Variants in KCNK1 observed in about 807,000 individuals in gnomAD.
KCNK1 encodes the protein potassium two pore domain channel subfamily K member 1, also known as potassium channel subfamily K member 1.
KCNK1 carries 10 observed loss-of-function variants against 22.2 expected under a neutral mutation model. The observed-to-expected ratio is 0.45, with a 90% CI of 0.28 to 0.76. The LOEUF (loss-of-function observed/expected upper bound fraction) is 0.76. KCNK1 is among the 30% of genes least tolerant of loss of function. The pLI is 0.14. For synonymous variants in KCNK1, 200 were observed against 186.4 expected (o/e 1.07, Z -0.60); for missense variants, 378 against 421.0 (o/e 0.90, Z 0.89).
rs566620903 is a variant in KCNK1 at position 233,628,926 on chromosome 1, G to T, written c.355+14400G>T. On this transcript the variant is annotated intron_variant, in intron 1 of 2. Transcript: ENST00000366621. ...TGGAAGTGTGAAAGCGTTGAACTGG[G>T]GATTGGTGGCCTGGGTTCTCTTCAG... Among the ~76,000 whole-genome samples the T allele has an allele frequency of 3.3e-5, 5 of 152,054 alleles. No individual in the cohort carries two copies. In the South Asian group the frequency reaches 1.0e-3, roughly 32 times the overall value.
At chr1:233,644,152 C>G (rs1337834927) in intron 1 of KCNK1, among the ~76,000 whole-genome samples, 3 of 152,162 alleles carry the variant, frequency 2.0e-5, no homozygotes, top group African/African-American at 7.2e-5. Context: ...TCTCACATGG[C>G]AGAAGAGCAG....
At chr1:233,623,470 T>A (rs1169252600) in intron 1 of KCNK1, among the ~76,000 whole-genome samples, 1 of 152,232 alleles carries the variant, frequency 6.6e-6, no homozygotes, top group Non-Finnish European at 1.5e-5. Flanking sequence ...ACATTTGAGA[T>A]GATGGATATG....
At chr1:233,653,739 T>A (rs1408286990) in intron 1 of KCNK1, among the ~76,000 whole-genome samples, 1 of 152,076 alleles carries the variant, frequency 6.6e-6, no homozygotes, top group East Asian at 1.9e-4. Flanking sequence ...CTTTCCTGGT[T>A]CTTCTGCTTG....
At position 233,614,170 on chromosome 1, in the gene KCNK1, A is replaced by T; in HGVS notation, c.-2A>T. 1.4e-6 allele frequency: 2 copies of T among 1,433,268 alleles called. No individual in the cohort carries two copies. Among genetic ancestry groups the T allele is most frequent in the East Asian group, 4.8e-5 (2 of 41,762 alleles). 88.8% of individuals were successfully genotyped at this position (1,433,268 alleles called of 1,614,324 possible). A position where few individuals can be genotyped will look rare whatever the true frequency, so the allele number is the denominator to read the frequency against. On this transcript the variant is annotated 5_prime_UTR_variant, in exon 1 of 3. The change creates a new upstream start codon in the 5' untranslated region. Coordinates refer to ENST00000366621, the MANE Select transcript of KCNK1 (RefSeq NM_002245.4). Reference sequence around the variant, plus strand: ...TTGGCCTTGGCGGCGGCGGTGGAGAAGATGCTGCAGTCCCTGGCCGGCAGC... The same window carrying T: ...TTGGCCTTGGCGGCGGCGGTGGAGATGATGCTGCAGTCCCTGGCCGGCAGC...
In KCNK1 at chr1:233,672,025, AC is replaced by A. The variant is rs1375692036; in HGVS notation, c.*496del. 6.1e-6 allele frequency: 1 copy of A among 162,828 alleles called. No individual in the cohort carries two copies. Among genetic ancestry groups the A allele is most frequent in the Non-Finnish European group, 1.4e-5 (1 of 73,960 alleles). The allele number at this position is 162,828 out of a possible 1,614,324, so 10.1% of individuals were successfully genotyped here. A position where few individuals can be genotyped will look rare whatever the true frequency, so the allele number is the denominator to read the frequency against. On this transcript the variant is annotated 3_prime_UTR_variant, in exon 3 of 3. Transcript: ENST00000366621. Reference sequence around the variant, plus strand: ...TTTTTGTAGAATCTAAGTTAAACTTACTATTTATAATGCATAGGTAACCATT... The same window carrying A: ...TTTTTGTAGAATCTAAGTTAAACTTATATTTATAATGCATAGGTAACCATT...
chr1:233,642,398 T>C (rs1658014228), intron 1 of KCNK1, among the ~76,000 whole-genome samples: 1 of 152,202 alleles, frequency 6.6e-6, no homozygotes, highest in African/African-American at 2.4e-5. Context: ...CTCTGCTCCA[T>C]GGTAGGGACA....
chr1:233,630,185 C>G (rs1250574001), intron 1 of KCNK1, among the ~76,000 whole-genome samples: 1 of 152,142 alleles, frequency 6.6e-6, no homozygotes, highest in African/African-American at 2.4e-5. Context: ...ATTACTGTGT[C>G]AGTTAGTTAC....
At chr1:233,623,744 A>G (rs746921450) in intron 1 of KCNK1, among the ~76,000 whole-genome samples, 1 of 152,114 alleles carries the variant, frequency 6.6e-6, no homozygotes, top group South Asian at 2.1e-4. Context: ...GCATGCCACC[A>G]TGCCCGGCTA....
rs1187689436 is a variant in KCNK1 at position 233,671,344 on chromosome 1, A to T, written c.825A>T (p.Lys275Asn). The change falls in exon 3 of 3, where the codon AAA (lysine) becomes AAT (asparagine). Residue 275 changes from lysine to asparagine, a missense_variant. Coordinates refer to ENST00000366621, the MANE Select transcript of KCNK1 (RefSeq NM_002245.4). ...TCTGTGAACTCCATGAGCTGAAAAA[A>T]TTCAGAAAAATGTTCTATGTGAAGA... is the stretch of plus-strand genomic sequence containing the variant. ...ETFCELHELK[K>N]FRKMFYVKKD... is the part of the protein sequence containing the mutation. 1.2e-6 allele frequency: 2 copies of T among 1,614,086 alleles called. No homozygotes were observed. The highest frequency in any genetic ancestry group is 2.7e-5 in the African/African-American group (2 of 74,924).
intron 1 of KCNK1, among the ~76,000 whole-genome samples, chr1:233,662,408 G>C (rs775775957): frequency 6.6e-6 from 1 of 152,134 alleles, no homozygotes; most frequent in Non-Finnish European, 1.5e-5. Flanking sequence ...GGGTCACAAC[G>C]TGGGGCCATT....
intron 1 of KCNK1, among the ~76,000 whole-genome samples, chr1:233,665,768 C>T (rs1352204828): frequency 6.6e-6 from 1 of 152,246 alleles, no homozygotes; most frequent in African/African-American, 2.4e-5. Flanking sequence ...TTTTGAGCTA[C>T]CAATGTCCTG....
At chr1:233,619,378 A>G (rs1343347685) in intron 1 of KCNK1, among the ~76,000 whole-genome samples, 1 of 151,978 alleles carries the variant, frequency 6.6e-6, no homozygotes, top group Non-Finnish European at 1.5e-5. Flanking sequence ...CTTTATCCCT[A>G]TTTATGAAGA....
At chr1:233,639,922 T>C (rs2102894471) in intron 1 of KCNK1, among the ~76,000 whole-genome samples, 1 of 152,316 alleles carries the variant, frequency 6.6e-6, no homozygotes, top group Middle Eastern at 3.4e-3. Flanking sequence ...TCTGGGCAGT[T>C]GGTGGTCTGG....
chr1:233,665,062 G>C (rs938100285), intron 1 of KCNK1, among the ~76,000 whole-genome samples: 3 of 152,136 alleles, frequency 2.0e-5, no homozygotes, highest in African/African-American at 7.2e-5. Context: ...TGATTAGCTA[G>C]ATTTGGGAAA....
At chr1:233,653,601 G>A (rs1390348883) in intron 1 of KCNK1, among the ~76,000 whole-genome samples, 3 of 152,140 alleles carry the variant, frequency 2.0e-5, no homozygotes, top group South Asian at 2.1e-4. Context: ...GAACAAAAAG[G>A]GAGAGAAAGG....
intron 1 of KCNK1, among the ~76,000 whole-genome samples, chr1:233,626,790 A>C (rs1657696783): frequency 6.6e-6 from 1 of 152,232 alleles, no homozygotes; most frequent in Admixed American, 6.5e-5. Context: ...GAAACTGTAG[A>C]GAAAGCCCCC....
At chr1:233,650,312 C>T (rs1474750600) in intron 1 of KCNK1, among the ~76,000 whole-genome samples, 2 of 152,148 alleles carry the variant, frequency 1.3e-5, no homozygotes, top group Non-Finnish European at 1.5e-5. Context: ...TCCTCTATAT[C>T]AGATTCGTTC....
intron 1 of KCNK1, among the ~76,000 whole-genome samples, chr1:233,658,925 G>A (rs986045327): frequency 3.3e-5 from 5 of 152,156 alleles, no homozygotes; most frequent in Admixed American, 6.5e-5. Context: ...GGAGATTACT[G>A]TTCACTACTG....
intron 1 of KCNK1, among the ~76,000 whole-genome samples, chr1:233,625,869 G>A (rs562833980): frequency 6.6e-6 from 1 of 152,182 alleles, no homozygotes; most frequent in Non-Finnish European, 1.5e-5. Context: ...GAAAGTGACT[G>A]TGGCTGGAGC....
Sources: allele counts gnomAD v4.1 joint callset (sites outside exome capture counted in the v4.1 genomes callset), GRCh38; gene constraint gnomAD v4.1.1; transcripts MANE v1.5; gene names NCBI Gene and HGNC (gene_info 2026-07-23, HGNC 2026-07-21).